SGCZ: variants seen among roughly 807,000 people sequenced by gnomAD.
SGCZ encodes zeta-sarcoglycan.
SGCZ carries 40 observed loss-of-function variants against 41.3 expected under a neutral mutation model. The ratio of observed to expected loss-of-function variants is 0.97; its 90% CI spans 0.75 to 1.26. The LOEUF (loss-of-function observed/expected upper bound fraction) is 1.26, where lower values mean the gene tolerates loss of function less well. Ranked by LOEUF, SGCZ falls within the 50% of genes most tolerant of loss-of-function variation. The pLI, the probability that SGCZ is intolerant of heterozygous loss-of-function variation, is 0.00. For missense variants in SGCZ, 552 were observed against 369.8 expected (o/e 1.49, Z -4.04); for synonymous variants, 206 against 137.5 (o/e 1.50, Z -3.49).
At chr8:14,387,911 G>C (rs751938213) in intron 2 of SGCZ, among the ~76,000 whole-genome samples, 21 of 152,038 alleles carry the variant, frequency 1.4e-4, no homozygotes, top group African/African-American at 4.8e-4. Flanking sequence ...AATGAGGATA[G>C]AAGAGAGAGA....
At chr8:14,562,892 T>C (rs1804248355) in intron 1 of SGCZ, among the ~76,000 whole-genome samples, 1 of 152,150 alleles carries the variant, frequency 6.6e-6, no homozygotes, top group South Asian at 2.1e-4. Flanking sequence ...TCACGTGATC[T>C]TAGAGATGTG....
chr8:14,473,308 T>A lies in SGCZ; in HGVS notation c.234+81424A>T, dbSNP rs1303247800. Among the ~76,000 whole-genome samples, 3 of 152,246 alleles carry A rather than the reference T, an allele frequency of 2.0e-5. No homozygotes were observed. In the East Asian group the frequency reaches 5.8e-4, roughly 29 times the overall value. Reference sequence around the variant, plus strand: ...CATTTCATTTTTATGTATAAGATTATTAAGAATAAGAAAAGCTTTCTCCTC... The same window carrying A: ...CATTTCATTTTTATGTATAAGATTAATAAGAATAAGAAAAGCTTTCTCCTC... On this transcript the variant is annotated intron_variant, in intron 2 of 7. Transcript: ENST00000382080.
intron 1 of SGCZ, among the ~76,000 whole-genome samples, chr8:15,115,993 T>A: frequency 6.6e-6 from 1 of 152,226 alleles, no homozygotes. Flanking sequence ...CCATATGGTC[T>A]TTATTGCAAC....
At chr8:14,204,902 T>C (rs1805569870) in intron 4 of SGCZ, among the ~76,000 whole-genome samples, 1 of 152,090 alleles carries the variant, frequency 6.6e-6, no homozygotes, top group Non-Finnish European at 1.5e-5. Context: ...CCTTCAGACT[T>C]GGACTGAGCC....
intron 1 of SGCZ, among the ~76,000 whole-genome samples, chr8:14,789,451 T>C (rs1800877942): frequency 6.6e-6 from 1 of 152,170 alleles, no homozygotes; most frequent in African/African-American, 2.4e-5. Context: ...AGTAAGCAAA[T>C]TCACAACCAC....
intron 1 of SGCZ, among the ~76,000 whole-genome samples, chr8:15,137,515 G>T (rs1444672729): frequency 1.3e-5 from 2 of 152,234 alleles, no homozygotes; most frequent in Non-Finnish European, 1.5e-5. Flanking sequence ...GGAAAAAATG[G>T]TTTCCTGGGC....
chr8:14,541,476 T>C (rs1803465218), intron 2 of SGCZ, among the ~76,000 whole-genome samples: 1 of 152,098 alleles, frequency 6.6e-6, no homozygotes, highest in South Asian at 2.1e-4. Flanking sequence ...CATGAACTCA[T>C]TCTTTTTTAT....
chr8:15,134,020 A>G (rs951715012), intron 1 of SGCZ, among the ~76,000 whole-genome samples: 2 of 152,178 alleles, frequency 1.3e-5, no homozygotes, highest in African/African-American at 4.8e-5. Flanking sequence ...ACGATTTATC[A>G]GCTTAAGTAT....
chr8:14,794,101 G>A (rs1801046379), intron 1 of SGCZ, among the ~76,000 whole-genome samples: 1 of 152,026 alleles, frequency 6.6e-6, no homozygotes, highest in Non-Finnish European at 1.5e-5. Flanking sequence ...CATCTTCAAG[G>A]AAGTTCAAAA....
intron 1 of SGCZ, among the ~76,000 whole-genome samples, chr8:14,641,802 C>T (rs765167431): frequency 1.3e-5 from 2 of 151,586 alleles, no homozygotes; most frequent in Non-Finnish European, 3.0e-5. Context: ...CTTTCCCATT[C>T]TTATAATCCT....
At chr8:14,926,821 A>G (rs1303609971) in intron 1 of SGCZ, among the ~76,000 whole-genome samples, 2 of 151,692 alleles carry the variant, frequency 1.3e-5, no homozygotes, top group Non-Finnish European at 2.9e-5. Flanking sequence ...TTTTACTTTT[A>G]GTAGAGACAG....
intron 1 of SGCZ, among the ~76,000 whole-genome samples, chr8:14,575,942 AAG>A (rs199537069): frequency 6.6e-4 from 99 of 150,016 alleles, no homozygotes; most frequent in African/African-American, 2.2e-3. Flanking sequence ...AAAAGAAAGA[AAG>A]AGAGAGAGAG....
intron 1 of SGCZ, among the ~76,000 whole-genome samples, chr8:15,115,648 G>C (rs1156784137): frequency 6.6e-6 from 1 of 152,198 alleles, no homozygotes; most frequent in Non-Finnish European, 1.5e-5. Flanking sequence ...AGGTGACAAG[G>C]AATGTTAGTA....
At chr8:14,979,597 G>A (rs769426872) in intron 1 of SGCZ, among the ~76,000 whole-genome samples, 5 of 152,102 alleles carry the variant, frequency 3.3e-5, no homozygotes, top group Non-Finnish European at 5.9e-5. Flanking sequence ...AGCAACCTTG[G>A]CCATAAACTG....
At chr8:14,329,472 T>C (rs918314631) in intron 2 of SGCZ, among the ~76,000 whole-genome samples, 6 of 152,194 alleles carry the variant, frequency 3.9e-5, no homozygotes, top group Non-Finnish European at 8.8e-5. Flanking sequence ...TCTCTTATTT[T>C]TATTTCTTCT....
chr8:15,132,905 C>T (rs1563142833), intron 1 of SGCZ, among the ~76,000 whole-genome samples: 2 of 152,116 alleles, frequency 1.3e-5, no homozygotes, highest in South Asian at 4.1e-4. Flanking sequence ...CTTTGGAAAT[C>T]CAAGGTGGGT....
chr8:14,230,304 G>C (rs1418803253), intron 4 of SGCZ, among the ~76,000 whole-genome samples: 1 of 152,074 alleles, frequency 6.6e-6, no homozygotes, highest in African/African-American at 2.4e-5. Context: ...TGTGTATAGA[G>C]TAGTACACAT....
At chr8:14,691,264 ACTC>A (rs1215382470) in intron 1 of SGCZ, among the ~76,000 whole-genome samples, 9 of 152,118 alleles carry the variant, frequency 5.9e-5, no homozygotes, top group Non-Finnish European at 1.0e-4. Flanking sequence ...CAGACTACGT[ACTC>A]CTGTTGCTCT....
At chr8:14,621,604 A>G (rs1167335369) in intron 1 of SGCZ, among the ~76,000 whole-genome samples, 1 of 152,166 alleles carries the variant, frequency 6.6e-6, no homozygotes, top group Non-Finnish European at 1.5e-5. Flanking sequence ...AATTACAATC[A>G]TGGCAGAAGG....
Sources: gnomAD v4.1 joint callset for allele counts (sites outside exome capture counted in the v4.1 genomes callset) on GRCh38, gnomAD v4.1.1 for gene constraint, MANE v1.5 for transcripts, NCBI Gene and HGNC (gene_info 2026-07-23, HGNC 2026-07-21) for gene names.